ADNP2: variants seen among roughly 807,000 people sequenced by gnomAD.
ADNP2 encodes the protein ADNP homeobox 2.
ADNP2 carries 8 observed loss-of-function variants against 16.4 expected under a neutral mutation model. The observed-to-expected ratio is 0.49, with a 90% CI of 0.29 to 0.88. The LOEUF (loss-of-function observed/expected upper bound fraction) is 0.88. Among genes scored for constraint, ADNP2 ranks in the 40% least tolerant of loss-of-function variants. The pLI is 0.09. For synonymous variants in ADNP2, 637 were observed against 545.8 expected, an observed-to-expected ratio of 1.17 and a Z score of -2.33; for missense variants, 1,397 against 1,395.1, an observed-to-expected ratio of 1.00 and a Z score of -0.02.
Position 80,136,316 on chromosome 18 carries a change from A to G in ADNP2, c.903A>G (p.Pro301=). 6.2e-7 allele frequency: 1 copy of G among 1,614,138 alleles called. No homozygotes were observed. The change falls in exon 4 of 4, where the codon CCA becomes CCG. Residue 301 remains proline (P), a synonymous_variant. Coordinates refer to ENST00000262198, the MANE Select transcript of ADNP2 (RefSeq NM_014913.4). ...CFHLALPQNS[P]SPAAGQPVTV... ...ATCTTGCTTTGCCACAGAACAGTCC[A>G]AGCCCAGCCGCAGGACAGCCAGTGA... is the stretch of plus-strand genomic sequence containing the variant.
intron 2 of ADNP2, among the ~76,000 whole-genome samples, chr18:80,121,283 C>T (rs2052423228): frequency 6.6e-6 from 1 of 152,148 alleles, no homozygotes; most frequent in African/African-American, 2.4e-5. Context: ...ATTTGCATTT[C>T]CGTAGACAAA....
chr18:80,137,009 G>A lies in ADNP2; in HGVS notation c.1596G>A (p.Val532=), dbSNP rs1217458065. 3.1e-6 allele frequency: 5 copies of A among 1,614,002 alleles called. No homozygotes were observed. Among genetic ancestry groups the A allele is most frequent in the East Asian group, 2.2e-5 (1 of 44,886 alleles). Residue 532 remains valine (V), a synonymous_variant, in exon 4 of 4, where the codon GTG becomes GTA. Coordinates refer to ENST00000262198, the MANE Select transcript of ADNP2 (RefSeq NM_014913.4). The surrounding 1 kb of genome is among the most constrained non-coding windows in gnomAD (Gnocchi z 4.2). ...PNQTVSSSAV[V]PVNQGVNSGV... ...AGACAGTCTCCTCCTCAGCTGTTGT[G>A]CCTGTAAACCAGGGTGTGAATTCTG... is the stretch of plus-strand genomic sequence containing the variant.
chr18:80,124,066 C>T lies in ADNP2; in HGVS notation c.108+6416C>T, dbSNP rs574534153. ...TTTTAGGATTCACCAGTGAAGCCAC[C>T]TGTACCTGTACTTTTCTCTGTTAGG... On this transcript the variant is annotated intron_variant, in intron 2 of 3. Coordinates refer to ENST00000262198, the MANE Select transcript of ADNP2 (RefSeq NM_014913.4). Among the ~76,000 whole-genome samples, 3 of 152,294 alleles carry T rather than the reference C, an allele frequency of 2.0e-5. No individual in the cohort carries two copies. In the East Asian group the frequency reaches 5.8e-4, roughly 29 times the overall value.
rs2052572198 is a variant in ADNP2 at position 80,140,167 on chromosome 18, A to G, written c.*1358A>G. On this transcript the variant is annotated 3_prime_UTR_variant, in exon 4 of 4. Coordinates refer to ENST00000262198, the MANE Select transcript of ADNP2 (RefSeq NM_014913.4). Reference sequence around the variant, plus strand: ...CATAATGTTACTATGTGGATTTTAAAAAATATAATACTTGCATGTAATTGC... The same window carrying G: ...CATAATGTTACTATGTGGATTTTAAGAAATATAATACTTGCATGTAATTGC... 1 of 152,324 alleles carries G rather than the reference A, an allele frequency of 6.6e-6. No homozygotes were observed. Among genetic ancestry groups the G allele is most frequent in the South Asian group, 2.1e-4 (1 of 4,832 alleles). 9.4% of individuals were successfully genotyped at this position (152,324 alleles called of 1,614,324 possible).
At chr18:80,123,559 G>A (rs1407303983) in intron 2 of ADNP2, among the ~76,000 whole-genome samples, 1 of 151,716 alleles carries the variant, frequency 6.6e-6, no homozygotes, top group Non-Finnish European at 1.5e-5. Flanking sequence ...TAGTAGAGAC[G>A]GGTTTTTCCT....
chr18:80,119,907 A>G (rs1262828965), intron 2 of ADNP2, among the ~76,000 whole-genome samples: 2 of 151,820 alleles, frequency 1.3e-5, no homozygotes, highest in South Asian at 2.1e-4. Context: ...GCATTCAACC[A>G]CCTCCCCCCC....
intron 2 of ADNP2, among the ~76,000 whole-genome samples, chr18:80,123,146 C>T (rs1041164972): frequency 6.6e-6 from 1 of 151,832 alleles, no homozygotes; most frequent in African/African-American, 2.4e-5. Flanking sequence ...TGTTGAAGCC[C>T]CTTTGCATTC....
chr18:80,134,418 T>TGTGTGTGTGTGTGTGTGTGTGA (rs143942110), intron 3 of ADNP2, among the ~76,000 whole-genome samples: 1 of 136,448 alleles, frequency 7.3e-6, no homozygotes, highest in African/African-American at 2.7e-5. Context: ...TGTGTGTGTG[T>TGTGTGTGTGTGTGTGTGTGTGA]GAGAGAGAGT....
At chr18:80,127,340 T>G (rs887435997) in intron 2 of ADNP2, among the ~76,000 whole-genome samples, 1 of 4,394 alleles carries the variant, frequency 2.3e-4, no homozygotes, top group Non-Finnish European at 7.0e-4. Flanking sequence ...GTTTTTTCAG[T>G]TTTTTTTTTT....
In ADNP2 at chr18:80,137,541, G is replaced by A. The variant is rs201138064; in HGVS notation, c.2128G>A (p.Val710Ile). 1.2e-6 allele frequency: 2 copies of A among 1,614,234 alleles called. No homozygotes were observed. Among genetic ancestry groups the A allele is most frequent in the East Asian group, 2.2e-5 (1 of 44,886 alleles). Residue 710 changes from valine to isoleucine, a missense_variant, in exon 4 of 4, where the codon GTC becomes ATC. Transcript: ENST00000262198. This position sits in a 1 kb window ranked among gnomAD's most constrained non-coding sequence, Gnocchi z 4.2. ...GCTCTTTCCGTCCAACGTCTACCAGGTCCACATGGAGGTAGCGCATAAGCA... is the reference window on the plus strand; with the variant it reads ...GCTCTTTCCGTCCAACGTCTACCAGATCCACATGGAGGTAGCGCATAAGCA... ...NELFPSNVYQ[V>I]HMEVAHKHSE...
chr18:80,136,353 G>T lies in ADNP2; in HGVS notation c.940G>T (p.Gly314Cys). The change falls in exon 4 of 4, where the codon GGT becomes TGT. Residue 314 changes from glycine (G) to cysteine (C), a missense_variant. Physicochemically the swap from Gly to Cys is radical, Grantham distance 159. This residue lies in a region of ADNP2 where 777 missense variants were observed against 719.4 expected (regional missense o/e 1.08). Transcript: ENST00000262198. The stretch of plus-strand genomic sequence containing the variant: ...AGGACAGCCAGTGACTGTGGCCCAG[G>T]GTGCCCCTGGAAGCCTCACTCATTC... Reference protein sequence around the residue: ...AAGQPVTVAQGAPGSLTHSPP... With the variant: ...AAGQPVTVAQCAPGSLTHSPP... 1 of 1,614,200 alleles carries T rather than the reference G, an allele frequency of 6.2e-7. No individual in the cohort carries two copies. The highest frequency in any genetic ancestry group is 8.5e-7 in the Non-Finnish European group (1 of 1,180,034).
At chr18:80,123,579 G>C (rs1156896459) in intron 2 of ADNP2, among the ~76,000 whole-genome samples, 1 of 151,988 alleles carries the variant, frequency 6.6e-6, no homozygotes, top group Non-Finnish European at 1.5e-5. Context: ...TTGTTGGTCA[G>C]GCTGGTCTCG....
intron 2 of ADNP2, among the ~76,000 whole-genome samples, chr18:80,122,929 ATGT>A (rs2052434211): frequency 1.3e-5 from 2 of 152,196 alleles, no homozygotes; most frequent in Admixed American, 1.3e-4. Flanking sequence ...GTTGAATATG[ATGT>A]TAATGGGTTT....
intron 1 of ADNP2, among the ~76,000 whole-genome samples, chr18:80,115,181 T>G (rs1568407931): frequency 6.6e-6 from 1 of 152,206 alleles, no homozygotes. Context: ...TTGTATCTGT[T>G]ACTTGATATA....
intron 1 of ADNP2, among the ~76,000 whole-genome samples, chr18:80,113,219 T>A (rs866007384): frequency 1.2e-4 from 18 of 152,238 alleles, no homozygotes; most frequent in African/African-American, 4.1e-4. Context: ...AGAAAATTTT[T>A]AAATTTTTAT....
intron 1 of ADNP2, among the ~76,000 whole-genome samples, chr18:80,113,829 T>A (rs540744103): frequency 6.6e-6 from 1 of 152,234 alleles, no homozygotes; most frequent in East Asian, 1.9e-4. Context: ...TCACTAAGCC[T>A]GTCCTTGGGT....
intron 3 of ADNP2, among the ~76,000 whole-genome samples, chr18:80,134,442 C>T (rs1035730109): frequency 2.1e-4 from 32 of 151,030 alleles, no homozygotes; most frequent in African/African-American, 7.6e-4. Context: ...AATGAGCACA[C>T]AGATTTAGGA....
intron 3 of ADNP2, among the ~76,000 whole-genome samples, chr18:80,134,386 A>AGTGTGTGT (rs34515123): frequency 3.6e-3 from 534 of 146,316 alleles, no homozygotes; most frequent in East Asian, 5.2e-3. Context: ...AGAATGGAAG[A>AGTGTGTGT]GTGTGTGTGT....
intron 1 of ADNP2, among the ~76,000 whole-genome samples, chr18:80,111,348 C>T (rs28752154): frequency 0.18 from 27,476 of 152,048 alleles, 2,757 homozygotes; most frequent in Middle Eastern, 0.25. Flanking sequence ...TGAATTAGGT[C>T]ATACTCGCCC....
Sources: allele counts gnomAD v4.1 joint callset (sites outside exome capture counted in the v4.1 genomes callset), GRCh38; gene constraint gnomAD v4.1.1; regional missense constraint gnomAD v4.1.1; non-coding constraint Gnocchi (gnomAD v3.1); transcripts MANE v1.5; gene names NCBI Gene and HGNC (gene_info 2026-07-23, HGNC 2026-07-21).